ASXL2: variants seen among roughly 807,000 people sequenced by gnomAD.
The protein encoded by ASXL2 is ASXL transcriptional regulator 2.
A neutral mutation model predicts 122.0 loss-of-function variants in ASXL2; 23 were observed. The observed-to-expected ratio is 0.19, with a 90% CI of 0.14 to 0.27. The LOEUF is 0.27. Among genes scored for constraint, ASXL2 ranks in the 10% least tolerant of loss-of-function variants. ASXL2 has a pLI of 1.00. For synonymous variants in ASXL2, 650 were observed against 637.0 expected (o/e 1.02, Z -0.31); for missense variants, 1,518 against 1,713.8 (o/e 0.89, Z 2.02).
intron 11 of ASXL2, 62 bp from the exon 12 acceptor site, chr2:25,750,475 T>A: frequency 7.1e-7 from 1 of 1,398,870 alleles, no homozygotes; most frequent in Non-Finnish European, 9.7e-7. Context: ...AAAGCATTCA[T>A]TAATAGAGAT....
At chr2:25,857,674 C>T (rs1015978791) in intron 1 of ASXL2, among the ~76,000 whole-genome samples, 1 of 152,154 alleles carries the variant, frequency 6.6e-6, no homozygotes, top group Admixed American at 6.5e-5. Context: ...GAAGCATTCC[C>T]TGACTATCCT....
At position 25,780,777 on chromosome 2, in the gene ASXL2, C is replaced by T. The variant is rs141681238; in HGVS notation, c.404-9237G>A. On this transcript the variant is annotated intron_variant, in intron 5 of 12. Transcript: ENST00000435504. ...TCAGAGAAAAAAAATTCTTTATTTT[C>T]AGGTTTTAAAAGAAATTCACCCATG... Among the ~76,000 whole-genome samples, 39 of 152,228 alleles carry T rather than the reference C, an allele frequency of 2.6e-4. 1 individual carries two copies. Among genetic ancestry groups the T allele is most frequent in the African/African-American group, 9.1e-4 (38 of 41,540 alleles).
In ASXL2 at chr2:25,743,930, T is replaced by C. The variant is rs1483735666; in HGVS notation, c.2407A>G (p.Asn803Asp). Residue 803 changes from asparagine (N) to aspartate (D), a missense_variant, in exon 13 of 13, where the codon AAT becomes GAT. By Grantham distance (23) the Asn-to-Asp change is conservative. This residue lies in a region of ASXL2 where 831 missense variants were observed against 833.1 expected (regional missense o/e 1.00). Coordinates refer to ENST00000435504, the MANE Select transcript of ASXL2 (RefSeq NM_018263.6). ...GCTCTGGTGGGGTTCAGTTTTTCAT[T>C]ATCCAATTTCTCTATGTGGGCTGGT... ...PSPAHIEKLD[N>D]EKLNPTRATA... 1 of 1,613,860 alleles carries C rather than the reference T, an allele frequency of 6.2e-7. No individual in the cohort carries two copies. Among genetic ancestry groups the C allele is most frequent in the Non-Finnish European group, 8.5e-7 (1 of 1,179,880 alleles).
intron 1 of ASXL2, among the ~76,000 whole-genome samples, chr2:25,875,637 T>C (rs1049258051): frequency 6.6e-6 from 1 of 152,188 alleles, no homozygotes; most frequent in Admixed American, 6.5e-5. Context: ...AATATATCTA[T>C]TGGTATATTA....
intron 5 of ASXL2, among the ~76,000 whole-genome samples, chr2:25,782,934 C>A (rs987978694): frequency 1.3e-5 from 2 of 152,082 alleles, no homozygotes; most frequent in African/African-American, 4.8e-5. Context: ...TTGAGACCAA[C>A]CTGGCCAACA....
intron 5 of ASXL2, among the ~76,000 whole-genome samples, chr2:25,775,998 G>A (rs1020849630): frequency 1.3e-5 from 2 of 152,140 alleles, no homozygotes; most frequent in Non-Finnish European, 2.9e-5. Context: ...GAGTCAATTT[G>A]TTGTGTGACT....
At chr2:25,799,993 C>CAAGAA (rs1559514756) in intron 4 of ASXL2, among the ~76,000 whole-genome samples, 2 of 98,306 alleles carry the variant, frequency 2.0e-5, no homozygotes, top group Non-Finnish European at 2.2e-5. Context: ...AAAAAAAATG[C>CAAGAA]AAAAAAAAAA....
chr2:25,779,417 C>T (rs2088598152), intron 5 of ASXL2, among the ~76,000 whole-genome samples: 1 of 151,760 alleles, frequency 6.6e-6, no homozygotes, highest in Non-Finnish European at 1.5e-5. Context: ...ATTTTTATCC[C>T]GTTTCTTCCC....
chr2:25,864,246 G>A (rs989945000), intron 1 of ASXL2, among the ~76,000 whole-genome samples: 2 of 152,108 alleles, frequency 1.3e-5, no homozygotes, highest in East Asian at 1.9e-4. Context: ...CAGGCGATAC[G>A]CCTTCAATTT....
At chr2:25,788,655 G>A (rs946951978) in intron 5 of ASXL2, among the ~76,000 whole-genome samples, 3 of 152,104 alleles carry the variant, frequency 2.0e-5, no homozygotes, top group South Asian at 2.1e-4. Context: ...TAATAGTATC[G>A]CATGTGGTTA....
chr2:25,768,637 T>C (rs2088394018), intron 7 of ASXL2, 105 bp downstream of exon 7: 1 of 1,274,122 alleles, frequency 7.8e-7, no homozygotes, highest in South Asian at 1.5e-5. Context: ...ATTGTGTAAG[T>C]AAATATAATT....
chr2:25,856,857 C>A, intron 1 of ASXL2: 1 of 827,814 alleles, frequency 1.2e-6, no homozygotes, highest in South Asian at 1.5e-5. Flanking sequence ...GAACGAGGTC[C>A]AAGTGGCCCA....
At chr2:25,842,692 G>GTATATA (rs769594746) in intron 2 of ASXL2, among the ~76,000 whole-genome samples, 12 of 129,578 alleles carry the variant, frequency 9.3e-5, no homozygotes, top group Non-Finnish European at 1.6e-4. Flanking sequence ...TCAAGTGTGT[G>GTATATA]TATATATATA....
intron 11 of ASXL2, 112 bp downstream of exon 11, chr2:25,753,421 CA>C (rs1356768663): frequency 3.0e-6 from 2 of 656,774 alleles, no homozygotes; most frequent in Non-Finnish European, 4.7e-6. Context: ...CAAAATAAAA[CA>C]AAACAGAAGG....
At chr2:25,766,627 G>A (rs2088356492) in intron 8 of ASXL2, among the ~76,000 whole-genome samples, 1 of 152,202 alleles carries the variant, frequency 6.6e-6, no homozygotes, top group Non-Finnish European at 1.5e-5. Flanking sequence ...GCTCGAACAC[G>A]ATGGGAGGAA....
chr2:25,799,042 G>A (rs573087424), intron 5 of ASXL2, among the ~76,000 whole-genome samples: 9 of 152,134 alleles, frequency 5.9e-5, no homozygotes, highest in Non-Finnish European at 1.0e-4. Context: ...CTGTGCATGT[G>A]GCGGGGGAGG....
At chr2:25,752,338 T>C (rs1157263468) in intron 11 of ASXL2, among the ~76,000 whole-genome samples, 2 of 152,100 alleles carry the variant, frequency 1.3e-5, no homozygotes, top group African/African-American at 4.8e-5. Flanking sequence ...GGATCTTTTG[T>C]TGGGGGGGAA....
chr2:25,746,177 T>C (rs1037842094), intron 12 of ASXL2, among the ~76,000 whole-genome samples: 1 of 152,224 alleles, frequency 6.6e-6, no homozygotes, highest in African/African-American at 2.4e-5. Flanking sequence ...TTTTTCTTAA[T>C]GTTTTTAAAT....
chr2:25,873,179 A>G (rs2089976931), intron 1 of ASXL2, among the ~76,000 whole-genome samples: 2 of 151,846 alleles, frequency 1.3e-5, no homozygotes, highest in African/African-American at 2.4e-5. Context: ...AGTGTTTCTC[A>G]AGTTTTAGCC....
Sources: allele counts gnomAD v4.1 joint callset (sites outside exome capture counted in the v4.1 genomes callset), GRCh38; gene constraint gnomAD v4.1.1; regional missense constraint gnomAD v4.1.1; transcripts MANE v1.5; gene names NCBI Gene and HGNC (gene_info 2026-07-23, HGNC 2026-07-21).